Variants in CLPSL1 observed in about 807,000 individuals in gnomAD.
CLPSL1 encodes colipase like 1.
Under a neutral mutation model 9.3 loss-of-function variants are expected in CLPSL1, and 13 were observed. That is an observed-to-expected ratio of 1.40 (90% CI 0.91 to 2.22). The LOEUF (loss-of-function observed/expected upper bound fraction) is 2.22, where lower values mean the gene tolerates loss of function less well. Among genes scored for constraint, CLPSL1 ranks in the 30% most tolerant of loss-of-function variants. CLPSL1 has a pLI of 0.00. For missense variants in CLPSL1, 164 were observed against 146.6 expected (o/e 1.12, Z -0.61); for synonymous variants, 58 against 56.9 (o/e 1.02, Z -0.08).
rs752904987 is a variant in CLPSL1 at position 35,787,102 on chromosome 6, C to T, written c.204C>T (p.Gly68=). The T allele has an allele frequency of 1.2e-6, 2 of 1,611,720 alleles. No individual in the cohort carries two copies. Among genetic ancestry groups the T allele is most frequent in the South Asian group, 1.1e-5 (1 of 90,268 alleles). ...ACTGCGCGGAGAAGGGGTCCGAGGG[C>T]AGTCTGTGTCAAACGCAGGTGGGTA... ...ESHCAEKGSE[G]SLCQTQVFFG... The change falls in exon 2 of 3, where the codon GGC becomes GGT. Residue 68 remains glycine (G), a synonymous_variant. Transcript: ENST00000373861.
At chr6:35,785,602 A>T (rs910489274) in intron 1 of CLPSL1, among the ~76,000 whole-genome samples, 1 of 152,056 alleles carries the variant, frequency 6.6e-6, no homozygotes, top group Non-Finnish European at 1.5e-5. Flanking sequence ...CTTTCAATGG[A>T]CACTTTAATG....
chr6:35,783,185 T>C (rs1768000221), intron 1 of CLPSL1, among the ~76,000 whole-genome samples: 1 of 152,194 alleles, frequency 6.6e-6, no homozygotes, highest in African/African-American at 2.4e-5. Context: ...TTTTGAACTT[T>C]GTATGATGAA....
At chr6:35,793,533 T>C (rs1283787143) in exon 2 of CLPSL1, 1 of 471,770 alleles carries the variant, frequency 2.1e-6, no homozygotes, top group African/African-American at 2.0e-5. Flanking sequence ...GGTGAGAACG[T>C]GAAGTCATGA....
At chr6:35,785,990 C>A (rs1768065140) in intron 1 of CLPSL1, among the ~76,000 whole-genome samples, 2 of 149,334 alleles carry the variant, frequency 1.3e-5, no homozygotes, top group African/African-American at 4.9e-5. Flanking sequence ...GAGGGTTGGG[C>A]GCGGTGGCTC....
downstream of CLPSL1, among the ~76,000 whole-genome samples, chr6:35,788,447 A>C (rs986725483): frequency 2.6e-5 from 4 of 152,268 alleles, no homozygotes; most frequent in Non-Finnish European, 4.4e-5. Context: ...GAAGGTACAC[A>C]AAATATCCAT....
At chr6:35,781,666 G>A (rs2151059396) in intron 1 of CLPSL1, among the ~76,000 whole-genome samples, 1 of 151,276 alleles carries the variant, frequency 6.6e-6, no homozygotes, top group African/African-American at 2.4e-5. Context: ...CAGGTGATAA[G>A]CAAGGAAAGG....
At chr6:35,783,542 C>T (rs1768009021) in intron 1 of CLPSL1, among the ~76,000 whole-genome samples, 1 of 151,464 alleles carries the variant, frequency 6.6e-6, no homozygotes, top group Non-Finnish European at 1.5e-5. Flanking sequence ...CGCGGTGGCT[C>T]ATGCCTGTAA....
chr6:35,792,209 G>A (rs903022141), downstream of CLPSL1, among the ~76,000 whole-genome samples: 13 of 152,222 alleles, frequency 8.5e-5, no homozygotes, highest in African/African-American at 2.9e-4. Context: ...AGGATGTCAA[G>A]GCTGTAGTGA....
intron 1 of CLPSL1, among the ~76,000 whole-genome samples, chr6:35,784,143 G>A (rs562014560): frequency 7.2e-5 from 11 of 152,140 alleles, no homozygotes; most frequent in African/African-American, 2.4e-4. Context: ...ATTTACATTC[G>A]TTTGATCTGG....
At chr6:35,785,174 A>AT (rs34500810) in intron 1 of CLPSL1, among the ~76,000 whole-genome samples, 31,872 of 115,558 alleles carry the variant, frequency 0.28, 5,104 homozygotes, top group South Asian at 0.37. Flanking sequence ...GCCCCTGGAA[A>AT]TTTTTTTTTT....
Position 35,785,484 on chromosome 6 carries a change from C to T in CLPSL1, c.100-1514C>T, listed in dbSNP as rs905421147. ...GAGCCACCATGCCTGGCCCTGTCCC[C>T]GGAAATTCATACTCCTCCATTTTTT... is the stretch of plus-strand genomic sequence containing the variant. On this transcript the variant is annotated intron_variant, in intron 1 of 2. Transcript: ENST00000373861. 4.6e-5 allele frequency among the ~76,000 whole-genome samples: 7 copies of T among 151,732 alleles called. No homozygotes were observed. In the East Asian group the frequency reaches 5.8e-4, roughly 13 times the overall value.
intron 2 of CLPSL1, among the ~76,000 whole-genome samples, chr6:35,787,390 C>T (rs1768103977): frequency 1.3e-5 from 2 of 152,280 alleles, no homozygotes; most frequent in Admixed American, 6.5e-5. Flanking sequence ...CAGGAGTCTT[C>T]TCAGCAAATT....
intron 1 of CLPSL1, among the ~76,000 whole-genome samples, chr6:35,782,960 T>C (rs1378270411): frequency 6.6e-6 from 1 of 152,166 alleles, no homozygotes; most frequent in Non-Finnish European, 1.5e-5. Context: ...CTTATTGTTA[T>C]GTATATAACA....
intron 1 of CLPSL1, among the ~76,000 whole-genome samples, chr6:35,783,842 C>T (rs1339629237): frequency 6.7e-6 from 1 of 150,220 alleles, no homozygotes; most frequent in Non-Finnish European, 1.5e-5. Flanking sequence ...ACTTATTTTG[C>T]TCAACGTTTT....
Position 35,781,181 on chromosome 6 carries a change from C to A in CLPSL1, c.71C>A (p.Ser24Ter), listed in dbSNP as rs766157363. The change falls in exon 1 of 3, where the codon TCA becomes TAA. Residue 24 changes from serine (S) to a stop codon, truncating the protein, a stop_gained. Transcript: ENST00000373861. LOFTEE classifies it high-confidence loss of function. Reference sequence around the variant, plus strand: ...TTTCTCTTCCTCCTCACCAGGGGCTCACTTTCTCCAACAAAATACAACCTT... The same window carrying A: ...TTTCTCTTCCTCCTCACCAGGGGCTAACTTTCTCCAACAAAATACAACCTT... ...FFFLFLLTRG[S>*]LSPTKYNLLE... The A allele has an allele frequency of 5.6e-6, 9 of 1,613,838 alleles. No individual in the cohort carries two copies. The highest frequency in any genetic ancestry group is 4.0e-5 in the African/African-American group (3 of 74,920).
chr6:35,787,599 C>T (rs560175407), intron 2 of CLPSL1, among the ~76,000 whole-genome samples: 133 of 152,366 alleles, frequency 8.7e-4, no homozygotes, highest in Non-Finnish European at 8.8e-5. Context: ...AGAGGTCCTG[C>T]GATGGTGTGT....
At chr6:35,791,162 C>T (rs1768200027), downstream of CLPSL1, among the ~76,000 whole-genome samples, 2 of 152,258 alleles carry the variant, frequency 1.3e-5, no homozygotes, top group South Asian at 4.1e-4. Context: ...CATGGGGATT[C>T]CGCTGCCCTA....
chr6:35,793,776 G>T (rs1466162144), downstream of CLPSL1: 3 of 353,858 alleles, frequency 8.5e-6, no homozygotes, highest in East Asian at 7.5e-5. Context: ...AGATCCTGGG[G>T]CTGGGACGAC....
Position 35,787,058 on chromosome 6 carries a change from C to G in CLPSL1, c.160C>G (p.Pro54Ala). The change falls in exon 2 of 3, where the codon CCA becomes GCA. Residue 54 changes from proline (P) to alanine (A), a missense_variant. Physicochemically the swap from Pro to Ala is conservative, Grantham distance 27 (BLOSUM62 -1). Coordinates refer to ENST00000373861, the MANE Select transcript of CLPSL1 (RefSeq NM_001010886.5). ...DCETGCCQRA[P>A]DNCESHCAEK... is the part of the protein sequence containing the mutation. ...CGAGACTGGCTGCTGCCAACGTGCT[C>G]CAGACAATTGCGAGTCGCACTGCGC... The G allele has an allele frequency of 1.9e-6, 3 of 1,605,106 alleles. No individual in the cohort carries two copies. Among genetic ancestry groups the G allele is most frequent in the Non-Finnish European group, 2.5e-6 (3 of 1,177,312 alleles).
Sources: allele counts gnomAD v4.1 joint callset (sites outside exome capture counted in the v4.1 genomes callset), GRCh38; gene constraint gnomAD v4.1.1; transcripts MANE v1.5; gene names NCBI Gene and HGNC (gene_info 2026-07-23, HGNC 2026-07-21).